ZFAND3: variants seen among roughly 807,000 people sequenced by gnomAD.
ZFAND3 encodes AN1-type zinc finger protein 3.
A neutral mutation model predicts 29.6 loss-of-function variants in ZFAND3; 10 were observed. The observed-to-expected ratio is 0.34, with a 90% CI of 0.21 to 0.57. ZFAND3 has a LOEUF of 0.57. ZFAND3 is among the 20% of genes least tolerant of loss of function. ZFAND3 has a pLI of 0.86. For missense variants in ZFAND3, 230 were observed against 304.5 expected, an observed-to-expected ratio of 0.76 and a Z score of 1.82; for synonymous variants, 128 against 112.6, an observed-to-expected ratio of 1.14 and a Z score of -0.87.
intron 5 of ZFAND3, among the ~76,000 whole-genome samples, chr6:38,145,578 G>A (rs1766088425): frequency 6.6e-6 from 1 of 152,200 alleles, no homozygotes; most frequent in Non-Finnish European, 1.5e-5. Context: ...TCAGATGTTA[G>A]CTTTAAAAGC....
chr6:38,149,879 A>G (rs961340979), intron 5 of ZFAND3, among the ~76,000 whole-genome samples: 3 of 152,164 alleles, frequency 2.0e-5, no homozygotes, highest in African/African-American at 7.2e-5. Flanking sequence ...AATCATCCCA[A>G]TATCTTGAAG....
intron 2 of ZFAND3, among the ~76,000 whole-genome samples, chr6:38,050,735 C>T (rs1341250818): frequency 6.6e-6 from 1 of 152,190 alleles, no homozygotes; most frequent in African/African-American, 2.4e-5. Flanking sequence ...TGAGAACGGA[C>T]TAATACCCTG....
chr6:38,038,321 T>C (rs563569156), intron 2 of ZFAND3, among the ~76,000 whole-genome samples: 5 of 152,298 alleles, frequency 3.3e-5, no homozygotes, highest in Admixed American at 3.3e-4. Flanking sequence ...GTGCAGCCTT[T>C]TGATTGCAAT....
chr6:37,921,882 CAAA>C (rs778118350), intron 1 of ZFAND3, among the ~76,000 whole-genome samples: 1 of 87,774 alleles, frequency 1.1e-5, no homozygotes, highest in Non-Finnish European at 2.3e-5. Flanking sequence ...CCCATCTCTG[CAAA>C]AAAAAAAAAA....
At position 37,978,911 on chromosome 6, in the gene ZFAND3, A is replaced by G. The variant is rs568595908; in HGVS notation, c.112+48912A>G. 2.2e-4 allele frequency among the ~76,000 whole-genome samples: 33 copies of G among 151,028 alleles called. 1 individual carries two copies. The South Asian group carries it at 6.7e-3, about 31-fold the overall frequency. ...ATTTTATGCTTTTAATATGCATAAAACTGTAGTGAAGACACCTCTCATTTC... is the reference window on the plus strand; with the variant it reads ...ATTTTATGCTTTTAATATGCATAAAGCTGTAGTGAAGACACCTCTCATTTC... On this transcript the variant is annotated intron_variant, in intron 2 of 5. Coordinates refer to ENST00000287218, the MANE Select transcript of ZFAND3 (RefSeq NM_021943.3).
chr6:37,845,565 T>G (rs1224150058), intron 1 of ZFAND3, among the ~76,000 whole-genome samples: 1 of 152,190 alleles, frequency 6.6e-6, no homozygotes, highest in Non-Finnish European at 1.5e-5. Context: ...AAGAACTAAC[T>G]TGTTTTATTG....
chr6:38,101,309 C>T (rs1466829538), intron 4 of ZFAND3, among the ~76,000 whole-genome samples: 1 of 152,118 alleles, frequency 6.6e-6, no homozygotes, highest in Non-Finnish European at 1.5e-5. Flanking sequence ...GTTGTACACA[C>T]TTAGTAGTGC....
At chr6:37,934,014 A>G (rs986437239) in intron 2 of ZFAND3, among the ~76,000 whole-genome samples, 2 of 150,694 alleles carry the variant, frequency 1.3e-5, no homozygotes, top group African/African-American at 2.4e-5. Context: ...CAGCCTCCCA[A>G]GTAGCTGGGA....
intron 2 of ZFAND3, among the ~76,000 whole-genome samples, chr6:38,014,333 T>TTATTATTATTATTA (rs1260105918): frequency 2.7e-4 from 39 of 145,450 alleles, no homozygotes; most frequent in African/African-American, 9.5e-4. Flanking sequence ...TATTATTATT[T>TTATTATTATTATTA]TTTTTTTTTT....
chr6:38,141,756 T>A (rs1698966585), intron 5 of ZFAND3, among the ~76,000 whole-genome samples: 1 of 151,902 alleles, frequency 6.6e-6, no homozygotes, highest in Non-Finnish European at 1.5e-5. Context: ...AAATGTTGTG[T>A]GAATGGAGGA....
intron 2 of ZFAND3, among the ~76,000 whole-genome samples, chr6:38,049,941 A>G (rs1561980707): frequency 4.0e-5 from 2 of 49,824 alleles, no homozygotes; most frequent in African/African-American, 1.3e-4. Context: ...TGAGTAGGCA[A>G]TTAATTTTTT....
intron 2 of ZFAND3, among the ~76,000 whole-genome samples, chr6:38,060,794 C>T (rs975881880): frequency 4.0e-5 from 6 of 151,870 alleles, no homozygotes; most frequent in East Asian, 1.9e-4. Flanking sequence ...TTTTTATATA[C>T]GATTGTGTTA....
chr6:37,891,034 C>CCA (rs1451180713), intron 1 of ZFAND3, among the ~76,000 whole-genome samples: 2 of 152,016 alleles, frequency 1.3e-5, no homozygotes, highest in African/African-American at 4.8e-5. Context: ...GTTTTCATCA[C>CCA]CACACACACA....
At position 38,153,178 on chromosome 6, in the gene ZFAND3, C is replaced by T; in HGVS notation, c.*789C>T. On this transcript the variant is annotated 3_prime_UTR_variant, in exon 6 of 6. Coordinates refer to ENST00000287218, the MANE Select transcript of ZFAND3 (RefSeq NM_021943.3). ...GTCTGCCATTCGCCAGTGCAGGGAT[C>T]TGGCACGGACCAGATGTGGCGAATG... 2.0e-6 allele frequency: 2 copies of T among 985,506 alleles called. No homozygotes were observed. Among genetic ancestry groups the T allele is most frequent in the Non-Finnish European group, 2.4e-6 (2 of 829,942 alleles). 61.0% of individuals were successfully genotyped at this position (985,506 alleles called of 1,614,324 possible).
At chr6:38,060,516 GC>G (rs1462971173) in intron 2 of ZFAND3, among the ~76,000 whole-genome samples, 2 of 132,868 alleles carry the variant, frequency 1.5e-5, no homozygotes, top group Non-Finnish European at 3.1e-5. Flanking sequence ...CCCTTGCCCT[GC>G]CCTTTCCCCT....
intron 3 of ZFAND3, among the ~76,000 whole-genome samples, chr6:38,065,579 G>A (rs757109461): frequency 1.3e-5 from 2 of 152,138 alleles, no homozygotes; most frequent in Non-Finnish European, 2.9e-5. Context: ...TAGCCTATTA[G>A]GGTAGGTGCT....
chr6:38,120,749 A>G (rs1298795985), intron 5 of ZFAND3, among the ~76,000 whole-genome samples: 2 of 152,206 alleles, frequency 1.3e-5, no homozygotes, highest in African/African-American at 4.8e-5. Flanking sequence ...ACTTAAGTGG[A>G]TATGCTCCCT....
intron 3 of ZFAND3, among the ~76,000 whole-genome samples, chr6:38,068,143 G>A (rs1764381833): frequency 6.6e-6 from 1 of 152,128 alleles, no homozygotes; most frequent in Non-Finnish European, 1.5e-5. Context: ...ACAGCAACCA[G>A]CTCTTACATA....
intron 2 of ZFAND3, among the ~76,000 whole-genome samples, chr6:38,008,614 C>T (rs548228992): frequency 6.6e-6 from 1 of 152,076 alleles, no homozygotes; most frequent in Non-Finnish European, 1.5e-5. Flanking sequence ...CTCTCTCTCA[C>T]CTCTTCTCTT....
Sources: gnomAD v4.1 joint callset for allele counts (sites outside exome capture counted in the v4.1 genomes callset) on GRCh38, gnomAD v4.1.1 for gene constraint, MANE v1.5 for transcripts, NCBI Gene and HGNC (gene_info 2026-07-23, HGNC 2026-07-21) for gene names.